The following FRMPD2 variants were observed in gnomAD, a reference collection of about 807,000 sequenced individuals.
FRMPD2 encodes FERM and PDZ domain-containing protein 2.
A neutral mutation model predicts 140.1 loss-of-function variants in FRMPD2; 96 were observed. The observed-to-expected ratio is 0.69, with a 90% CI of 0.58 to 0.81. The LOEUF (loss-of-function observed/expected upper bound fraction) is 0.81, where lower values mean the gene tolerates loss of function less well. Among genes scored for constraint, FRMPD2 ranks in the 40% least tolerant of loss-of-function variants. The pLI is 0.00. For missense variants in FRMPD2, 1,240 were observed against 1,447.4 expected, an observed-to-expected ratio of 0.86 and a Z score of 2.32; for synonymous variants, 449 against 547.6, an observed-to-expected ratio of 0.82 and a Z score of 2.52.
intron 13 of FRMPD2, among the ~76,000 whole-genome samples, chr10:48,210,315 T>A (rs1315481953): frequency 6.6e-6 from 1 of 152,184 alleles, no homozygotes; most frequent in Non-Finnish European, 1.5e-5. Context: ...CGATAAAGAT[T>A]ACATGTAAAT....
At chr10:48,192,306 G>A (rs1352011552) in intron 16 of FRMPD2, among the ~76,000 whole-genome samples, 1 of 152,166 alleles carries the variant, frequency 6.6e-6, no homozygotes, top group Non-Finnish European at 1.5e-5. Flanking sequence ...TCTTGGCCAG[G>A]CTTGGTGGCT....
At chr10:48,223,334 CAT>C in intron 10 of FRMPD2, 64 bp from the exon 11 acceptor site, 1 of 1,521,140 alleles carries the variant, frequency 6.6e-7, no homozygotes, top group South Asian at 1.2e-5. Flanking sequence ...CTCTCAGACT[CAT>C]AGCCCTAAGC....
At chr10:48,241,155 T>G (rs1588849610) in intron 5 of FRMPD2, among the ~76,000 whole-genome samples, 2 of 152,286 alleles carry the variant, frequency 1.3e-5, no homozygotes, top group South Asian at 4.1e-4. Context: ...CATGTTCCTA[T>G]GCCAAGAGAG....
intron 9 of FRMPD2, among the ~76,000 whole-genome samples, chr10:48,235,053 G>A (rs142185342): frequency 6.6e-6 from 1 of 152,232 alleles, no homozygotes; most frequent in East Asian, 1.9e-4. Flanking sequence ...TGAAGGGGAT[G>A]GGCAGAGGTG....
At chr10:48,236,400 C>G in intron 9 of FRMPD2, 82 bp downstream of exon 9, 1 of 1,149,916 alleles carries the variant, frequency 8.7e-7, no homozygotes, top group Non-Finnish European at 1.3e-6. Flanking sequence ...ATGTGAGACC[C>G]CATTCAGACA....
At chr10:48,188,285 C>T (rs1838740125) in intron 16 of FRMPD2, among the ~76,000 whole-genome samples, 1 of 152,206 alleles carries the variant, frequency 6.6e-6, no homozygotes, top group Non-Finnish European at 1.5e-5. Flanking sequence ...AGGGCTCTCT[C>T]TGCAGGGAGC....
chr10:48,245,586 T>C (rs1345993046), intron 3 of FRMPD2, among the ~76,000 whole-genome samples: 2 of 152,244 alleles, frequency 1.3e-5, no homozygotes, highest in Non-Finnish European at 1.5e-5. Context: ...ATTATTATTG[T>C]TACCATTATT....
chr10:48,161,196 C>T (rs1230731674), intron 28 of FRMPD2, among the ~76,000 whole-genome samples: 1 of 149,968 alleles, frequency 6.7e-6, no homozygotes, highest in Non-Finnish European at 1.5e-5. Context: ...GATGGGCGTT[C>T]ACAACAGACT....
intron 1 of FRMPD2, among the ~76,000 whole-genome samples, chr10:48,266,288 T>C (rs551085507): frequency 1.3e-5 from 2 of 152,174 alleles, no homozygotes; most frequent in Non-Finnish European, 2.9e-5. Flanking sequence ...ACCAGGTTTA[T>C]AATATAATCT....
chr10:48,226,791 C>A (rs2131913477), intron 10 of FRMPD2, among the ~76,000 whole-genome samples: 1 of 152,356 alleles, frequency 6.6e-6, no homozygotes, highest in East Asian at 1.9e-4. Flanking sequence ...TTGGTGGAGT[C>A]TTCATCTTCT....
intron 1 of FRMPD2, among the ~76,000 whole-genome samples, chr10:48,254,904 C>T (rs1353736196): frequency 6.6e-6 from 1 of 152,214 alleles, no homozygotes; most frequent in African/African-American, 2.4e-5. Context: ...ATGAAATAGT[C>T]ATTAGCCTTT....
At chr10:48,192,951 A>G in intron 15 of FRMPD2, 57 bp from the exon 16 acceptor site, 2 of 1,331,216 alleles carry the variant, frequency 1.5e-6, no homozygotes, top group Non-Finnish European at 2.1e-6. Context: ...TGCTGGATCC[A>G]TTGCTCTGGT....
At chr10:48,179,578 A>G (rs1254794860) in intron 21 of FRMPD2, among the ~76,000 whole-genome samples, 12 of 151,524 alleles carry the variant, frequency 7.9e-5, no homozygotes, top group Non-Finnish European at 1.6e-4. Flanking sequence ...TTCCATAAGA[A>G]GGCTCACATG....
chr10:48,177,356 C>G (rs1404740611), intron 22 of FRMPD2: 2 of 151,228 alleles, frequency 1.3e-5, no homozygotes, highest in African/African-American at 4.9e-5. Flanking sequence ...TGCGATCCAC[C>G]CGCCTCGGCC....
chr10:48,218,037 T>C (rs1237753706), intron 12 of FRMPD2, among the ~76,000 whole-genome samples: 1 of 152,216 alleles, frequency 6.6e-6, no homozygotes, highest in East Asian at 1.9e-4. Flanking sequence ...TCTGCAGGTT[T>C]GGTTTCTCCC....
intron 1 of FRMPD2, among the ~76,000 whole-genome samples, chr10:48,267,769 A>C (rs1350296289): frequency 6.6e-6 from 1 of 152,236 alleles, no homozygotes; most frequent in Non-Finnish European, 1.5e-5. Context: ...GAATGGATAA[A>C]CACAATGTGG....
chr10:48,218,950 T>A (rs1267989508), intron 12 of FRMPD2, among the ~76,000 whole-genome samples: 2 of 152,184 alleles, frequency 1.3e-5, no homozygotes, highest in Non-Finnish European at 2.9e-5. Flanking sequence ...TGATTTTCTA[T>A]CACTTCTAAT....
chr10:48,267,073 T>C (rs1387956085), intron 1 of FRMPD2, among the ~76,000 whole-genome samples: 1 of 152,160 alleles, frequency 6.6e-6, no homozygotes, highest in Non-Finnish European at 1.5e-5. Flanking sequence ...GTCCATACAG[T>C]ATCAGGGAAC....
At chr10:48,221,740 T>C (rs1230872619) in intron 12 of FRMPD2, among the ~76,000 whole-genome samples, 4 of 152,188 alleles carry the variant, frequency 2.6e-5, no homozygotes, top group Admixed American at 2.0e-4. Context: ...TATTACTGAG[T>C]ATAAACTGGA....
Sources: allele counts gnomAD v4.1 joint callset (sites outside exome capture counted in the v4.1 genomes callset), GRCh38; gene constraint gnomAD v4.1.1; transcripts MANE v1.5; gene names NCBI Gene and HGNC (gene_info 2026-07-23, HGNC 2026-07-21).